Variants in GRIA1 observed in about 807,000 individuals in gnomAD.
GRIA1 encodes glutamate ionotropic receptor AMPA type subunit 1.
GRIA1 carries 31 observed loss-of-function variants against 99.2 expected under a neutral mutation model. The observed-to-expected ratio is 0.31, with a 90% CI of 0.23 to 0.42. GRIA1 has a LOEUF of 0.42. GRIA1 is among the 10% of genes least tolerant of loss of function. GRIA1 has a pLI of 1.00. For missense variants in GRIA1, 782 were observed against 1,157.5 expected (o/e 0.68, Z 4.71); for synonymous variants, 438 against 432.4 (o/e 1.01, Z -0.16).
intron 2 of GRIA1, among the ~76,000 whole-genome samples, chr5:153,516,893 G>A (rs1302794155): frequency 6.6e-6 from 1 of 152,126 alleles, no homozygotes; most frequent in East Asian, 1.9e-4. Context: ...TAGAGCTGAA[G>A]AAAAATATTC....
intron 2 of GRIA1, among the ~76,000 whole-genome samples, chr5:153,611,755 A>G (rs1766006023): frequency 6.6e-6 from 1 of 152,256 alleles, no homozygotes; most frequent in African/African-American, 2.4e-5. Flanking sequence ...AGTTGAAAGA[A>G]GATCTGGACC....
At chr5:153,545,267 T>C (rs1025050497) in intron 2 of GRIA1, among the ~76,000 whole-genome samples, 3 of 152,160 alleles carry the variant, frequency 2.0e-5, no homozygotes, top group Non-Finnish European at 4.4e-5. Flanking sequence ...ACGACAGTTA[T>C]GATAGTTCAG....
At chr5:153,715,660 G>T (rs1759617999) in intron 11 of GRIA1, among the ~76,000 whole-genome samples, 1 of 152,162 alleles carries the variant, frequency 6.6e-6, no homozygotes, top group Non-Finnish European at 1.5e-5. Context: ...TATTGCTGCT[G>T]TTGCCATTGT....
At chr5:153,771,185 G>T (rs1763860252) in intron 13 of GRIA1, among the ~76,000 whole-genome samples, 1 of 152,152 alleles carries the variant, frequency 6.6e-6, no homozygotes, top group African/African-American at 2.4e-5. Context: ...GCCCTTCCTA[G>T]GTCTGAAGTG....
intron 2 of GRIA1, among the ~76,000 whole-genome samples, chr5:153,623,199 C>A (rs956932333): frequency 6.6e-6 from 1 of 152,058 alleles, no homozygotes; most frequent in African/African-American, 2.4e-5. Context: ...GGTGAATACT[C>A]GGTGAGCACT....
At chr5:153,788,772 T>C (rs1765128593) in intron 13 of GRIA1, among the ~76,000 whole-genome samples, 1 of 152,242 alleles carries the variant, frequency 6.6e-6, no homozygotes. Context: ...TAGCACATAG[T>C]AGCTGTTCAG....
At chr5:153,600,612 A>C (rs1764862712) in intron 2 of GRIA1, among the ~76,000 whole-genome samples, 1 of 152,070 alleles carries the variant, frequency 6.6e-6, no homozygotes, top group Non-Finnish European at 1.5e-5. Flanking sequence ...CAAGCCTCAG[A>C]GTGAAAAATG....
chr5:153,798,884 C>T (rs957239470), intron 14 of GRIA1, among the ~76,000 whole-genome samples: 1 of 152,084 alleles, frequency 6.6e-6, no homozygotes, highest in African/African-American at 2.4e-5. Flanking sequence ...ATGAGGGAGA[C>T]AGCAAATCAA....
chr5:153,734,335 C>A (rs1403942845), intron 11 of GRIA1, among the ~76,000 whole-genome samples: 2 of 152,132 alleles, frequency 1.3e-5, no homozygotes, highest in Non-Finnish European at 1.5e-5. Context: ...GCAGAGATTG[C>A]CCTTGATATT....
chr5:153,721,041 G>C (rs528946595), intron 11 of GRIA1, among the ~76,000 whole-genome samples: 1 of 152,038 alleles, frequency 6.6e-6, no homozygotes, highest in African/African-American at 2.4e-5. Context: ...CATCTGACTC[G>C]GATGGGAAAA....
intron 11 of GRIA1, among the ~76,000 whole-genome samples, chr5:153,712,963 A>G (rs1219172286): frequency 6.6e-6 from 1 of 152,242 alleles, no homozygotes; most frequent in African/African-American, 2.4e-5. Context: ...CTTCTGCCCC[A>G]GGGCTGATGG....
At chr5:153,541,760 T>C (rs1196404107) in intron 2 of GRIA1, among the ~76,000 whole-genome samples, 1 of 151,650 alleles carries the variant, frequency 6.6e-6, no homozygotes, top group East Asian at 1.9e-4. Context: ...TGAAACCCCA[T>C]CTCTACTAAA....
At chr5:153,581,682 T>C (rs528072347) in intron 2 of GRIA1, among the ~76,000 whole-genome samples, 1 of 152,128 alleles carries the variant, frequency 6.6e-6, no homozygotes, top group Admixed American at 6.6e-5. Flanking sequence ...CCTTTGGTAA[T>C]GTCTTCTTAG....
intron 2 of GRIA1, among the ~76,000 whole-genome samples, chr5:153,559,998 G>A (rs1760982603): frequency 6.7e-6 from 1 of 148,616 alleles, no homozygotes; most frequent in African/African-American, 2.4e-5. Flanking sequence ...AGTTTACTCT[G>A]AAATAGAGGT....
chr5:153,564,980 G>T (rs1302342488), intron 2 of GRIA1, among the ~76,000 whole-genome samples: 1 of 152,108 alleles, frequency 6.6e-6, no homozygotes, highest in African/African-American at 2.4e-5. Context: ...CTTTGCCCAA[G>T]AATTTTTACA....
In GRIA1 at chr5:153,656,383, T is replaced by TTTTATATATATATATATATA. The variant is rs769901040; in HGVS notation, c.699+512_699+513insTTATATATATATATATATAT. 5.4e-5 allele frequency among the ~76,000 whole-genome samples: 5 copies of TTTTATATATATATATATATA among 92,680 alleles called. 1 individual carries two copies. The highest frequency in any genetic ancestry group is 1.7e-4 in the African/African-American group (4 of 23,608). 60.8% of individuals were successfully genotyped at this position (92,680 alleles called of 152,430 possible). On this transcript the variant is annotated intron_variant, in intron 5 of 15. Transcript: ENST00000285900. ...TTCTATATGGCATAGATAAGTTTGT[T>TTTTATATATATATATATATA]TATATATATATATATATATATATAT... is the stretch of plus-strand genomic sequence containing the variant.
At chr5:153,540,133 C>T (rs959003883) in intron 2 of GRIA1, among the ~76,000 whole-genome samples, 3 of 152,190 alleles carry the variant, frequency 2.0e-5, no homozygotes, top group Non-Finnish European at 4.4e-5. Context: ...AGCCAGTGCA[C>T]GTGGAGACGA....
At chr5:153,599,559 C>T (rs1191335163) in intron 2 of GRIA1, among the ~76,000 whole-genome samples, 1 of 152,164 alleles carries the variant, frequency 6.6e-6, no homozygotes, top group Admixed American at 6.5e-5. Context: ...ACTTATAATA[C>T]CTAATACAAT....
chr5:153,492,252 G>T (rs1281898148), intron 1 of GRIA1: 8 of 1,535,464 alleles, frequency 5.2e-6, no homozygotes, highest in Middle Eastern at 1.7e-4. Flanking sequence ...GCGGCTTGGA[G>T]TGGCCATGGA....
Sources: gnomAD v4.1 joint callset for allele counts (sites outside exome capture counted in the v4.1 genomes callset) on GRCh38, gnomAD v4.1.1 for gene constraint, MANE v1.5 for transcripts, NCBI Gene and HGNC (gene_info 2026-07-23, HGNC 2026-07-21) for gene names.